CTNNA3: variants seen among roughly 807,000 people sequenced by gnomAD.
CTNNA3 encodes the protein catenin alpha 3.
In CTNNA3, 76 loss-of-function variants were observed where a neutral mutation model predicts 95.7. The observed-to-expected ratio is 0.79, with a 90% confidence interval of 0.66 to 0.96. The LOEUF is 0.96. Ranked by LOEUF, CTNNA3 falls within the 40% of genes least tolerant of loss-of-function variation. CTNNA3 has a pLI of 0.00. For synonymous variants in CTNNA3, 431 were observed against 374.4 expected, an observed-to-expected ratio of 1.15 and a Z score of -1.74; for missense variants, 1,191 against 1,089.8, an observed-to-expected ratio of 1.09 and a Z score of -1.31.
At chr10:67,560,925 C>A in intron 3 of CTNNA3, among the ~76,000 whole-genome samples, 1 of 152,140 alleles carries the variant, frequency 6.6e-6, no homozygotes, top group Non-Finnish European at 1.5e-5. Context: ...ATCAATTCAA[C>A]AAGAAGAGCT....
chr10:66,910,987 C>G (rs1446057147), intron 7 of CTNNA3, among the ~76,000 whole-genome samples: 1 of 152,070 alleles, frequency 6.6e-6, no homozygotes, highest in Non-Finnish European at 1.5e-5. Flanking sequence ...TCCACTGAGG[C>G]CTAACCAAAT....
intron 3 of CTNNA3, among the ~76,000 whole-genome samples, chr10:67,562,959 A>C (rs1412525953): frequency 6.6e-6 from 1 of 152,138 alleles, no homozygotes. Flanking sequence ...TTCAAGGAGA[A>C]CTACAAACTA....
At chr10:66,040,244 A>G (rs1489413083) in intron 15 of CTNNA3, among the ~76,000 whole-genome samples, 2 of 152,096 alleles carry the variant, frequency 1.3e-5, no homozygotes, top group African/African-American at 2.4e-5. Context: ...GCTGAGGTTG[A>G]GGAGAAAAAG....
chr10:66,207,810 A>G (rs934304664), intron 13 of CTNNA3, among the ~76,000 whole-genome samples: 1 of 152,046 alleles, frequency 6.6e-6, no homozygotes, highest in African/African-American at 2.4e-5. Flanking sequence ...TATTGTGCTA[A>G]TTTGAATTGA....
intron 1 of CTNNA3, among the ~76,000 whole-genome samples, chr10:67,703,199 A>G (rs937281180): frequency 2.2e-4 from 34 of 152,336 alleles, no homozygotes; most frequent in Middle Eastern, 3.4e-3. Flanking sequence ...CCAGAGGTAC[A>G]AACAGGAGCT....
At chr10:66,466,497 T>A (rs918256826) in intron 11 of CTNNA3, among the ~76,000 whole-genome samples, 5 of 152,032 alleles carry the variant, frequency 3.3e-5, no homozygotes, top group South Asian at 4.1e-4. Flanking sequence ...ATGATCTGAC[T>A]GCTGGAGACC....
At chr10:66,451,568 C>A (rs1172799225) in intron 11 of CTNNA3, among the ~76,000 whole-genome samples, 1 of 151,978 alleles carries the variant, frequency 6.6e-6, no homozygotes, top group Admixed American at 6.6e-5. Flanking sequence ...ATAATATTTT[C>A]ATCATTAGTT....
At chr10:66,955,927 T>C (rs1848766749) in intron 7 of CTNNA3, among the ~76,000 whole-genome samples, 1 of 152,096 alleles carries the variant, frequency 6.6e-6, no homozygotes, top group African/African-American at 2.4e-5. Context: ...CATTTGGAAA[T>C]TTGCTTAGGC....
At chr10:66,223,177 G>T (rs2089064191) in intron 13 of CTNNA3, among the ~76,000 whole-genome samples, 1 of 151,862 alleles carries the variant, frequency 6.6e-6, no homozygotes, top group Non-Finnish European at 1.5e-5. Flanking sequence ...TAATGTTTCT[G>T]GACATTAGGA....
chr10:65,986,472 C>T (rs570789557), intron 16 of CTNNA3, among the ~76,000 whole-genome samples: 1 of 151,216 alleles, frequency 6.6e-6, no homozygotes, highest in South Asian at 2.1e-4. Context: ...TTTCTCATAG[C>T]TACAAAAAAC....
intron 5 of CTNNA3, among the ~76,000 whole-genome samples, chr10:67,271,770 G>A (rs1023433311): frequency 8.5e-5 from 13 of 152,106 alleles, no homozygotes; most frequent in African/African-American, 3.1e-4. Flanking sequence ...AAGAATCCAA[G>A]CCCTAAAGTG....
At chr10:66,534,309 G>A (rs1178721099) in intron 10 of CTNNA3, among the ~76,000 whole-genome samples, 1 of 151,960 alleles carries the variant, frequency 6.6e-6, no homozygotes, top group Non-Finnish European at 1.5e-5. Context: ...CACATTTAAG[G>A]TAAGAAAAGC....
At chr10:67,365,758 A>C (rs1843188768) in intron 5 of CTNNA3, among the ~76,000 whole-genome samples, 1 of 152,226 alleles carries the variant, frequency 6.6e-6, no homozygotes, top group Non-Finnish European at 1.5e-5. Flanking sequence ...AGAAATAGGA[A>C]CGCTTTTACA....
intron 5 of CTNNA3, among the ~76,000 whole-genome samples, chr10:67,255,501 T>C (rs546287098): frequency 4.2e-4 from 64 of 152,304 alleles, no homozygotes; most frequent in African/African-American, 1.2e-3. Flanking sequence ...ATTGGCTCTG[T>C]GTATAGTGCT....
At chr10:67,659,814 A>G (rs909961831) in intron 1 of CTNNA3, among the ~76,000 whole-genome samples, 4 of 152,348 alleles carry the variant, frequency 2.6e-5, no homozygotes, top group Admixed American at 2.0e-4. Flanking sequence ...GCTCAACTGT[A>G]TATGAATTCT....
chr10:67,689,337 C>G (rs986526212), intron 1 of CTNNA3, among the ~76,000 whole-genome samples: 7 of 152,128 alleles, frequency 4.6e-5, no homozygotes, highest in African/African-American at 1.7e-4. Context: ...CAGATAGTCC[C>G]TTGCCCAGAT....
chr10:66,429,206 A>G (rs2093273007), intron 11 of CTNNA3, among the ~76,000 whole-genome samples: 3 of 152,212 alleles, frequency 2.0e-5, no homozygotes, highest in Admixed American at 1.3e-4. Context: ...TAAACCAGGA[A>G]GAAGTTGAAT....
intron 9 of CTNNA3, among the ~76,000 whole-genome samples, chr10:66,671,618 T>C (rs909405158): frequency 6.6e-6 from 1 of 152,200 alleles, no homozygotes; most frequent in Non-Finnish European, 1.5e-5. Flanking sequence ...GAAAATGTTT[T>C]TAGTTACTGA....
intron 12 of CTNNA3, among the ~76,000 whole-genome samples, chr10:66,293,444 G>C (rs574182959): frequency 2.8e-3 from 407 of 147,114 alleles, no homozygotes; most frequent in Middle Eastern, 0.025. Context: ...GGAAAAAAAA[G>C]CTAAAAGTTA....
Sources: allele counts gnomAD v4.1 joint callset (sites outside exome capture counted in the v4.1 genomes callset), GRCh38; gene constraint gnomAD v4.1.1; transcripts MANE v1.5; gene names NCBI Gene and HGNC (gene_info 2026-07-23, HGNC 2026-07-21).